SH3GL2: variants seen among roughly 807,000 people sequenced by gnomAD.
SH3GL2 encodes the protein endophilin-A1.
In SH3GL2, 24 loss-of-function variants were observed where a neutral mutation model predicts 46.0. The observed-to-expected ratio is 0.52, with a 90% CI of 0.38 to 0.73. SH3GL2 has a LOEUF of 0.73. Among genes scored for constraint, SH3GL2 ranks in the 30% least tolerant of loss-of-function variants. SH3GL2 has a pLI of 0.00. For synonymous variants in SH3GL2, 196 were observed against 147.1 expected (o/e 1.33, Z -2.40); for missense variants, 413 against 424.2 (o/e 0.97, Z 0.23).
chr9:17,721,410 T>A (rs1563826649), intron 1 of SH3GL2, among the ~76,000 whole-genome samples: 1 of 152,154 alleles, frequency 6.6e-6, no homozygotes, highest in South Asian at 2.1e-4. Context: ...ATCTTTTTTA[T>A]ATGTATATTT....
chr9:17,585,276 A>G (rs73641991), intron 1 of SH3GL2, among the ~76,000 whole-genome samples: 1,725 of 152,320 alleles, frequency 0.011, 35 homozygotes, highest in African/African-American at 0.04. Flanking sequence ...GAACTGCTTC[A>G]AACTTTAAGG....
At chr9:17,703,652 T>C (rs776529036) in intron 1 of SH3GL2, among the ~76,000 whole-genome samples, 1 of 152,056 alleles carries the variant, frequency 6.6e-6, no homozygotes, top group Non-Finnish European at 1.5e-5. Flanking sequence ...GTTCAACATA[T>C]GCAAATCAAT....
intron 3 of SH3GL2, among the ~76,000 whole-genome samples, chr9:17,766,268 C>T (rs565662956): frequency 1.3e-5 from 2 of 152,276 alleles, no homozygotes; most frequent in Non-Finnish European, 2.9e-5. Flanking sequence ...CTTTCGAGAA[C>T]GCAGGACAGA....
At chr9:17,626,197 C>T (rs999988114) in intron 1 of SH3GL2, among the ~76,000 whole-genome samples, 39 of 152,298 alleles carry the variant, frequency 2.6e-4, no homozygotes, top group African/African-American at 8.4e-4. Context: ...CGGGTCTGAC[C>T]TCCACCTGGC....
At chr9:17,603,373 A>G (rs1272359659) in intron 1 of SH3GL2, among the ~76,000 whole-genome samples, 2 of 152,200 alleles carry the variant, frequency 1.3e-5, no homozygotes, top group Non-Finnish European at 2.9e-5. Flanking sequence ...GCTAAGTTAA[A>G]TAACACAGAA....
intron 1 of SH3GL2, among the ~76,000 whole-genome samples, chr9:17,600,693 G>A (rs565270669): frequency 2.0e-5 from 3 of 152,300 alleles, no homozygotes; most frequent in African/African-American, 7.2e-5. Flanking sequence ...CTGGTTCAAT[G>A]TATATGTTGT....
chr9:17,657,232 G>A (rs1270474328), intron 1 of SH3GL2, among the ~76,000 whole-genome samples: 2 of 152,068 alleles, frequency 1.3e-5, no homozygotes, highest in African/African-American at 4.8e-5. Context: ...GCTTTTCAAG[G>A]GCTGCTTCTG....
intron 2 of SH3GL2, 35 bp from the exon 3 acceptor site, chr9:17,761,400 ATT>A (rs763704454): frequency 7.4e-7 from 1 of 1,347,260 alleles, no homozygotes; most frequent in Non-Finnish European, 1.1e-6. Context: ...AAAGCTCATC[ATT>A]TTTGTCATTT....
At chr9:17,661,610 T>A (rs1409311383) in intron 1 of SH3GL2, among the ~76,000 whole-genome samples, 1 of 152,176 alleles carries the variant, frequency 6.6e-6, no homozygotes, top group Non-Finnish European at 1.5e-5. Flanking sequence ...CTTTTCAATT[T>A]GTGTGTGTGT....
intron 1 of SH3GL2, among the ~76,000 whole-genome samples, chr9:17,702,059 T>G (rs1452656227): frequency 6.6e-6 from 1 of 152,076 alleles, no homozygotes; most frequent in Non-Finnish European, 1.5e-5. Context: ...CTTTGATATT[T>G]AACATAGTGT....
At chr9:17,613,797 C>T (rs1245335255) in intron 1 of SH3GL2, among the ~76,000 whole-genome samples, 3 of 152,178 alleles carry the variant, frequency 2.0e-5, no homozygotes, top group African/African-American at 7.2e-5. Context: ...CTATGGCACA[C>T]GGACATTTGG....
chr9:17,787,035 T>G (rs934709350), intron 4 of SH3GL2, among the ~76,000 whole-genome samples: 2 of 152,192 alleles, frequency 1.3e-5, no homozygotes, highest in African/African-American at 2.4e-5. Context: ...TGGGATCTCC[T>G]TCCTGGTTGA....
rs1231672049 is a variant in SH3GL2, at chr9:17,696,950, A to ATGTT, written c.46-50116_46-50115insTGTT. Among the ~76,000 whole-genome samples the ATGTT allele has an allele frequency of 1.9e-3, 289 of 152,242 alleles. 1 individual carries two copies. Among genetic ancestry groups the ATGTT allele is most frequent in the Non-Finnish European group, 1.3e-3 (86 of 68,014 alleles). ...ATTTTAGAGTGACTTTTAAAGACTGAACATGCAGAAGCCTCATTGCCTCTT... is the reference window on the plus strand; with the variant it reads ...ATTTTAGAGTGACTTTTAAAGACTGATGTTACATGCAGAAGCCTCATTGCCTCTT... On this transcript the variant is annotated intron_variant, in intron 1 of 8. Transcript: ENST00000380607.
intron 1 of SH3GL2, among the ~76,000 whole-genome samples, chr9:17,663,007 A>T (rs766864071): frequency 8.5e-5 from 13 of 152,144 alleles, no homozygotes; most frequent in Non-Finnish European, 1.9e-4. Context: ...CCAGCTGGCT[A>T]AGTCCTTTTT....
intron 3 of SH3GL2, among the ~76,000 whole-genome samples, chr9:17,780,002 C>T (rs906435975): frequency 2.6e-5 from 4 of 152,140 alleles, no homozygotes; most frequent in East Asian, 1.9e-4. Context: ...ACATTAGAAT[C>T]GCCTTTGGGA....
At chr9:17,725,299 G>T (rs1307280289) in intron 1 of SH3GL2, among the ~76,000 whole-genome samples, 2 of 152,102 alleles carry the variant, frequency 1.3e-5, no homozygotes. Context: ...TCCAGGGCAT[G>T]TGCTTAGCCT....
intron 2 of SH3GL2, among the ~76,000 whole-genome samples, chr9:17,750,513 G>C (rs1007860010): frequency 6.6e-6 from 1 of 151,950 alleles, no homozygotes. Context: ...AGAATCCTGC[G>C]GCTGTGCTGT....
chr9:17,736,479 A>T (rs767923510), intron 1 of SH3GL2, among the ~76,000 whole-genome samples: 51 of 152,166 alleles, frequency 3.4e-4, no homozygotes, highest in East Asian at 9.7e-4. Flanking sequence ...CAGTCTCTTC[A>T]TATCTCTTTC....
At chr9:17,616,566 A>C (rs1819004865) in intron 1 of SH3GL2, among the ~76,000 whole-genome samples, 1 of 152,168 alleles carries the variant, frequency 6.6e-6, no homozygotes, top group African/African-American at 2.4e-5. Context: ...TGAGAGTCAG[A>C]GGAGGCTACA....
Sources: gnomAD v4.1 joint callset for allele counts (sites outside exome capture counted in the v4.1 genomes callset) on GRCh38, gnomAD v4.1.1 for gene constraint, MANE v1.5 for transcripts, NCBI Gene and HGNC (gene_info 2026-07-23, HGNC 2026-07-21) for gene names.